SLC6A15: variants seen among roughly 807,000 people sequenced by gnomAD.
The protein encoded by SLC6A15 is solute carrier family 6 member 15.
A neutral mutation model predicts 68.5 loss-of-function variants in SLC6A15; 33 were observed. That is an observed-to-expected ratio of 0.48 (90% CI 0.37 to 0.64). The LOEUF (loss-of-function observed/expected upper bound fraction) is 0.64, where lower values mean the gene tolerates loss of function less well. SLC6A15 is among the 30% of genes least tolerant of loss of function. The pLI, the probability that SLC6A15 is intolerant of heterozygous loss-of-function variation, is 0.00. For missense variants in SLC6A15, 747 were observed against 874.3 expected (o/e 0.85, Z 1.84); for synonymous variants, 347 against 301.0 (o/e 1.15, Z -1.58).
Position 84,860,635 on chromosome 12 carries a change from T to C in SLC6A15, c.*997A>G, listed in dbSNP as rs576706625. ...GTTCAGGTGATACAAAGAAAATCAATGTGAAAAACAAACATCATTTTTAAA... is the reference window on the plus strand; with the variant it reads ...GTTCAGGTGATACAAAGAAAATCAACGTGAAAAACAAACATCATTTTTAAA... On this transcript the variant is annotated 3_prime_UTR_variant, in exon 12 of 12. Transcript: ENST00000266682. 3.2e-4 allele frequency: 49 copies of C among 152,212 alleles called. No homozygotes were observed. The highest frequency in any genetic ancestry group is 1.2e-3 in the African/African-American group (48 of 41,556). The allele number at this position is 152,212 out of a possible 1,614,324, so 9.4% of individuals were successfully genotyped here.
At chr12:84,905,646 C>T (rs899172553) in intron 1 of SLC6A15, among the ~76,000 whole-genome samples, 9 of 152,316 alleles carry the variant, frequency 5.9e-5, no homozygotes, top group African/African-American at 1.9e-4. Context: ...TTCTCAGATG[C>T]TCAAGTCCCA....
chr12:84,884,473 T>C (rs1192573444), intron 4 of SLC6A15, among the ~76,000 whole-genome samples: 9 of 151,924 alleles, frequency 5.9e-5, no homozygotes, highest in Non-Finnish European at 5.9e-5. Flanking sequence ...ACCGAGCTAA[T>C]TTTTGTATTT....
intron 5 of SLC6A15, chr12:84,881,907 T>C: frequency 1.0e-6 from 1 of 985,432 alleles, no homozygotes; most frequent in Non-Finnish European, 1.2e-6. Flanking sequence ...GCTAGCTTTC[T>C]CCCCATCAGT....
At chr12:84,903,829 T>C (rs577994071) in intron 1 of SLC6A15, among the ~76,000 whole-genome samples, 1 of 152,290 alleles carries the variant, frequency 6.6e-6, no homozygotes, top group East Asian at 1.9e-4. Flanking sequence ...TAGGTAACAT[T>C]TATAGATGTC....
At chr12:84,895,311 G>T (rs562797014) in intron 1 of SLC6A15, among the ~76,000 whole-genome samples, 3 of 126,232 alleles carry the variant, frequency 2.4e-5, no homozygotes, top group African/African-American at 8.9e-5. Flanking sequence ...CAAGTATTTT[G>T]CACTTAGATG....
chr12:84,876,984 C>T (rs935809979), intron 5 of SLC6A15, among the ~76,000 whole-genome samples: 6 of 152,080 alleles, frequency 3.9e-5, no homozygotes, highest in African/African-American at 1.4e-4. Flanking sequence ...AAATAAAGTC[C>T]TATTTCTTTT....
intron 1 of SLC6A15, among the ~76,000 whole-genome samples, chr12:84,907,112 G>A (rs1873201922): frequency 1.3e-5 from 2 of 152,154 alleles, no homozygotes; most frequent in Admixed American, 6.5e-5. Flanking sequence ...CACTTTGGGA[G>A]GCCCAGACGG....
chr12:84,866,443 C>G (rs1365371609), intron 10 of SLC6A15, among the ~76,000 whole-genome samples: 1 of 152,076 alleles, frequency 6.6e-6, no homozygotes, highest in Admixed American at 6.6e-5. Flanking sequence ...AGTAATGACT[C>G]TATATAAAAA....
chr12:84,880,978 C>T lies in SLC6A15; in HGVS notation c.756+2881G>A, dbSNP rs1448452289. On this transcript the variant is annotated intron_variant, in intron 5 of 11. Coordinates refer to ENST00000266682, the MANE Select transcript of SLC6A15 (RefSeq NM_182767.6). ...TTAATTCTGGCCAACTATTTATTTT[C>T]CCTGAGCTTGTCAACTTTGCAGTAA... is the stretch of plus-strand genomic sequence containing the variant. 1.0e-5 allele frequency: 6 copies of T among 589,648 alleles called. No individual in the cohort carries two copies. The African/African-American group carries it at 1.2e-4, about 12-fold the overall frequency. The allele number at this position is 589,648 out of a possible 1,614,324, so 36.5% of individuals were successfully genotyped here.
chr12:84,912,197 T>A (rs959363100), intron 1 of SLC6A15, among the ~76,000 whole-genome samples: 4 of 152,094 alleles, frequency 2.6e-5, no homozygotes, highest in Admixed American at 2.0e-4. Flanking sequence ...CGAGTAGGTC[T>A]CTGGGGATGC....
chr12:84,911,074 G>A (rs1348803591), intron 1 of SLC6A15, among the ~76,000 whole-genome samples: 1 of 152,140 alleles, frequency 6.6e-6, no homozygotes, highest in Non-Finnish European at 1.5e-5. Flanking sequence ...GACATAAATA[G>A]GTCTGTGTTT....
intron 1 of SLC6A15, among the ~76,000 whole-genome samples, chr12:84,898,168 C>G (rs1872708519): frequency 6.6e-6 from 1 of 152,048 alleles, no homozygotes; most frequent in African/African-American, 2.4e-5. Flanking sequence ...GGTGAAACCC[C>G]ATCTCTACCA....
At chr12:84,874,671 ATT>A (rs1871435155) in intron 6 of SLC6A15, 2 of 152,282 alleles carry the variant, frequency 1.3e-5, no homozygotes, top group South Asian at 4.1e-4. Context: ...ACATATGCAC[ATT>A]GTTTACTGAC....
At chr12:84,910,808 TACCTA>T (rs1873400440) in intron 1 of SLC6A15, among the ~76,000 whole-genome samples, 1 of 152,162 alleles carries the variant, frequency 6.6e-6, no homozygotes, top group South Asian at 2.1e-4. Flanking sequence ...CTTCTGCCCG[TACCTA>T]TAAATGGCCC....
intron 10 of SLC6A15, among the ~76,000 whole-genome samples, chr12:84,866,080 T>C (rs1871052692): frequency 6.7e-6 from 1 of 149,644 alleles, no homozygotes; most frequent in South Asian, 2.3e-4. Context: ...AAACATTCTC[T>C]AAGCTTTGTT....
chr12:84,883,152 A>G (rs1427438396), intron 5 of SLC6A15: 7 of 125,852 alleles, frequency 5.6e-5, no homozygotes, highest in African/African-American at 4.4e-4. Flanking sequence ...TGTGATAATG[A>G]AAAAAAAAAA....
At chr12:84,891,171 A>C (rs1872372672) in intron 2 of SLC6A15, among the ~76,000 whole-genome samples, 1 of 152,210 alleles carries the variant, frequency 6.6e-6, no homozygotes, top group Admixed American at 6.5e-5. Context: ...ATGATGTTGC[A>C]GATAATTTTG....
intron 5 of SLC6A15, chr12:84,882,968 C>T (rs1871894204): frequency 1.2e-5 from 11 of 944,820 alleles, no homozygotes; most frequent in Non-Finnish European, 1.3e-5. Flanking sequence ...ACTACTACTA[C>T]TATTGCCATT....
At chr12:84,886,676 A>T (rs574293643) in intron 2 of SLC6A15, among the ~76,000 whole-genome samples, 6,176 of 152,108 alleles carry the variant, frequency 0.041, 396 homozygotes, top group African/African-American at 0.14. Context: ...ACACAAATAG[A>T]TTTTGTTTTC....
Sources: gnomAD v4.1 joint callset for allele counts (sites outside exome capture counted in the v4.1 genomes callset) on GRCh38, gnomAD v4.1.1 for gene constraint, MANE v1.5 for transcripts, NCBI Gene and HGNC (gene_info 2026-07-23, HGNC 2026-07-21) for gene names.